MDGA2: variants seen among roughly 807,000 people sequenced by gnomAD.
MDGA2 encodes MAM domain-containing glycosylphosphatidylinositol anchor protein 2.
Under a neutral mutation model 117.8 loss-of-function variants are expected in MDGA2, and 40 were observed. The ratio of observed to expected loss-of-function variants is 0.34; its 90% CI spans 0.26 to 0.44. MDGA2 has a LOEUF of 0.44. MDGA2 is among the 20% of genes least tolerant of loss of function. The probability of loss-of-function intolerance (pLI) is 1.00; values close to 1 mark genes in which losing one functional copy is unlikely to be tolerated. For missense variants in MDGA2, 1,123 were observed against 1,250.6 expected (o/e 0.90, Z 1.54); for synonymous variants, 452 against 439.0 (o/e 1.03, Z -0.37).
chr14:47,393,318 A>G (rs1891937517), intron 1 of MDGA2, among the ~76,000 whole-genome samples: 1 of 151,774 alleles, frequency 6.6e-6, no homozygotes, highest in Admixed American at 6.6e-5. Context: ...TTTATATTAA[A>G]ACCAGAATCC....
intron 1 of MDGA2, among the ~76,000 whole-genome samples, chr14:47,673,965 C>T (rs533635893): frequency 1.1e-3 from 173 of 152,078 alleles, no homozygotes; most frequent in African/African-American, 3.9e-3. Context: ...CTGCTATTTT[C>T]CCCTCCCGAA....
chr14:47,067,270 A>G (rs1890120027), intron 6 of MDGA2, among the ~76,000 whole-genome samples: 1 of 152,230 alleles, frequency 6.6e-6, no homozygotes, highest in African/African-American at 2.4e-5. Flanking sequence ...TGCATCTACC[A>G]AGGGGGAACA....
intron 2 of MDGA2, among the ~76,000 whole-genome samples, chr14:47,264,895 C>T (rs1887914610): frequency 1.3e-5 from 2 of 152,140 alleles, no homozygotes; most frequent in African/African-American, 4.8e-5. Context: ...TGATGTTCCC[C>T]TCCCTGTGTC....
intron 1 of MDGA2, among the ~76,000 whole-genome samples, chr14:47,634,363 A>T (rs1256240237): frequency 6.6e-6 from 1 of 152,248 alleles, no homozygotes; most frequent in East Asian, 1.9e-4. Context: ...AAAAAATTAT[A>T]TAATCATATC....
At chr14:46,947,269 T>A (rs939594752) in intron 9 of MDGA2, among the ~76,000 whole-genome samples, 1 of 152,138 alleles carries the variant, frequency 6.6e-6, no homozygotes, top group Non-Finnish European at 1.5e-5. Flanking sequence ...TCTCTGCATG[T>A]CAAGTTGCAC....
intron 1 of MDGA2, among the ~76,000 whole-genome samples, chr14:47,568,494 T>G (rs1895959535): frequency 6.6e-6 from 1 of 152,210 alleles, no homozygotes; most frequent in African/African-American, 2.4e-5. Context: ...AAGAGAAATT[T>G]CAAATATGTC....
At chr14:46,935,870 A>G (rs1432892201) in intron 9 of MDGA2, among the ~76,000 whole-genome samples, 1 of 152,106 alleles carries the variant, frequency 6.6e-6, no homozygotes, top group African/African-American at 2.4e-5. Flanking sequence ...CGACACTTCC[A>G]TTTTACTTGA....
intron 6 of MDGA2, among the ~76,000 whole-genome samples, chr14:47,091,585 T>G (rs1198420814): frequency 2.6e-5 from 4 of 152,138 alleles, no homozygotes; most frequent in African/African-American, 7.2e-5. Context: ...GAAATGATGA[T>G]GAGGAATTTT....
intron 1 of MDGA2, among the ~76,000 whole-genome samples, chr14:47,357,636 T>C (rs140878171): frequency 1.0e-3 from 158 of 152,312 alleles, no homozygotes; most frequent in African/African-American, 3.6e-3. Context: ...AAGTCCACTA[T>C]ACCTCACCTC....
At chr14:47,464,064 T>C (rs1367306723) in intron 1 of MDGA2, among the ~76,000 whole-genome samples, 2 of 151,100 alleles carry the variant, frequency 1.3e-5, no homozygotes, top group Non-Finnish European at 2.9e-5. Flanking sequence ...AAAAACTGGG[T>C]AGTTTAGCTT....
rs1191716036 is a variant in MDGA2 at position 47,129,671 on chromosome 14, A to T, written c.925+2043T>A. 8.7e-5 allele frequency among the ~76,000 whole-genome samples: 13 copies of T among 150,138 alleles called. No homozygotes were observed. In the South Asian group the frequency reaches 1.5e-3, roughly 17 times the overall value. Reference sequence around the variant, plus strand: ...AGATCCCGGAGGAATCGCCACACTGACTTCCACAATGGTTGAACTAGTTTA... The same window carrying T: ...AGATCCCGGAGGAATCGCCACACTGTCTTCCACAATGGTTGAACTAGTTTA... On this transcript the variant is annotated intron_variant, in intron 5 of 16. Transcript: ENST00000399232.
chr14:47,087,460 CA>C (rs749371957), intron 6 of MDGA2, among the ~76,000 whole-genome samples: 13,038 of 67,690 alleles, frequency 0.19, 373 homozygotes, highest in Admixed American at 0.29. Flanking sequence ...GACTCCACAT[CA>C]AAAAAAAAAA....
intron 8 of MDGA2, among the ~76,000 whole-genome samples, chr14:46,961,943 C>T (rs1017230645): frequency 3.3e-5 from 5 of 152,024 alleles, no homozygotes; most frequent in African/African-American, 1.2e-4. Context: ...CACCGGGCCA[C>T]TGCCTGATAA....
At chr14:47,353,721 C>G (rs1055985929) in intron 1 of MDGA2, among the ~76,000 whole-genome samples, 2 of 152,098 alleles carry the variant, frequency 1.3e-5, no homozygotes, top group Non-Finnish European at 2.9e-5. Context: ...TGGCTGAATT[C>G]TGCCAAACAT....
At chr14:47,599,819 G>A (rs1594937539) in intron 1 of MDGA2, among the ~76,000 whole-genome samples, 1 of 152,198 alleles carries the variant, frequency 6.6e-6, no homozygotes, top group East Asian at 1.9e-4. Context: ...ATTATTCTGT[G>A]TCATCGTCCC....
intron 1 of MDGA2, among the ~76,000 whole-genome samples, chr14:47,577,419 T>C (rs1422593366): frequency 6.6e-6 from 1 of 151,970 alleles, no homozygotes; most frequent in Non-Finnish European, 1.5e-5. Context: ...GCAATTGCAA[T>C]ACAAGCCAAA....
rs371318166 is a variant in MDGA2, at chr14:46,915,218, A to G, written c.2238+4794T>C. Among the ~76,000 whole-genome samples the G allele has an allele frequency of 7.2e-5, 11 of 152,282 alleles. No homozygotes were observed. The East Asian group carries it at 1.9e-3, about 27-fold the overall frequency. On this transcript the variant is annotated intron_variant, in intron 10 of 16. Transcript: ENST00000399232. ...TTTCTTTATCCAAAGGTGATTTTTAAAAGTTAGTATCTGATTGTGTCCTAA... is the reference window on the plus strand; with the variant it reads ...TTTCTTTATCCAAAGGTGATTTTTAGAAGTTAGTATCTGATTGTGTCCTAA...
chr14:47,279,072 T>C (rs568703409), intron 2 of MDGA2, among the ~76,000 whole-genome samples: 1 of 152,138 alleles, frequency 6.6e-6, no homozygotes, highest in African/African-American at 2.4e-5. Flanking sequence ...TTGTTATACA[T>C]GTACATAGTA....
rs1886504075 is a variant in MDGA2, at chr14:46,977,374, A to C, written c.1820-19731T>G. On this transcript the variant is annotated intron_variant, in intron 8 of 16. Coordinates refer to ENST00000399232, the MANE Select transcript of MDGA2 (RefSeq NM_001113498.3). Reference sequence around the variant, plus strand: ...TTTTTTCCTGTCACAAGGACTGACAAACATTAATGCAAGAAAAAAAATAAA... The same window carrying C: ...TTTTTTCCTGTCACAAGGACTGACACACATTAATGCAAGAAAAAAAATAAA... Among the ~76,000 whole-genome samples, 9 of 151,892 alleles carry C rather than the reference A, an allele frequency of 5.9e-5. 1 individual carries two copies. The South Asian group carries it at 1.7e-3, about 28-fold the overall frequency.
Sources: gnomAD v4.1 joint callset for allele counts (sites outside exome capture counted in the v4.1 genomes callset) on GRCh38, gnomAD v4.1.1 for gene constraint, MANE v1.5 for transcripts, NCBI Gene and HGNC (gene_info 2026-07-23, HGNC 2026-07-21) for gene names.